Variants in PIGG observed in about 807,000 individuals in gnomAD.
PIGG encodes GPI ethanolamine phosphate transferase 2, catalytic subunit.
PIGG carries 70 observed loss-of-function variants against 83.2 expected under a neutral mutation model. That is an observed-to-expected ratio of 0.84 (90% CI 0.69 to 1.03). The LOEUF (loss-of-function observed/expected upper bound fraction) is 1.03, where lower values mean the gene tolerates loss of function less well. Among genes scored for constraint, PIGG ranks in the 50% least tolerant of loss-of-function variants. The pLI is 0.00. For missense variants in PIGG, 1,257 were observed against 1,233.6 expected (o/e 1.02, Z -0.28); for synonymous variants, 532 against 519.5 (o/e 1.02, Z -0.33).
rs77489555 is a variant in PIGG at position 523,353 on chromosome 4, T to C, written c.1615-106T>C. 5,799 of 818,298 alleles carry C rather than the reference T, an allele frequency of 7.1e-3. 204 individuals are homozygous for C. The African/African-American group carries it at 0.085, about 12-fold the overall frequency. 50.7% of individuals were successfully genotyped at this position (818,298 alleles called of 1,614,324 possible). On this transcript the variant is annotated intron_variant, in intron 8 of 12. Transcript: ENST00000453061. ...CCCAGGTGCTGGGTGTGAGGAACAA[T>C]GGTGTGTGTCCAGGGCATTCTCTGC...
intron 2 of PIGG, among the ~76,000 whole-genome samples, chr4:502,493 G>A (rs1176950503): frequency 5.3e-5 from 8 of 152,178 alleles, no homozygotes; most frequent in South Asian, 2.1e-4. Flanking sequence ...GTAACCAGAC[G>A]CCAACCCTGA....
intron 6 of PIGG, among the ~76,000 whole-genome samples, chr4:518,730 G>A (rs1301591769): frequency 6.6e-6 from 1 of 151,310 alleles, no homozygotes; most frequent in Non-Finnish European, 1.5e-5. Flanking sequence ...AAGGAATGCA[G>A]GAGCCTCCCT....
At chr4:538,143 G>A (rs113853138) in intron 12 of PIGG, among the ~76,000 whole-genome samples, 4 of 151,212 alleles carry the variant, frequency 2.6e-5, no homozygotes, top group African/African-American at 4.9e-5. Context: ...CACACGTGCC[G>A]ACAGGACTGA....
rs1721131939 is a variant in PIGG, at chr4:509,496, G to A, written c.901+526G>A. Reference sequence around the variant, plus strand: ...CTCTGCCCTCGCGGCCGCCGGCCTTGCTGTCCTGTCGGCGGCTGCCTTCCA... The same window carrying A: ...CTCTGCCCTCGCGGCCGCCGGCCTTACTGTCCTGTCGGCGGCTGCCTTCCA... On this transcript the variant is annotated intron_variant, in intron 5 of 12. Coordinates refer to ENST00000453061, the MANE Select transcript of PIGG (RefSeq NM_001127178.3). 2.0e-5 allele frequency among the ~76,000 whole-genome samples: 3 copies of A among 152,200 alleles called. No homozygotes were observed. In the South Asian group the frequency reaches 6.2e-4, roughly 31 times the overall value.
At chr4:519,625 C>T (rs4499656) in intron 6 of PIGG, among the ~76,000 whole-genome samples, 26,920 of 152,130 alleles carry the variant, frequency 0.18, 3,076 homozygotes, top group African/African-American at 0.33. Flanking sequence ...GGAGGTGAAA[C>T]GAGCGAGCCG....
chr4:519,663 G>C (rs922704182), intron 6 of PIGG, among the ~76,000 whole-genome samples: 1 of 152,254 alleles, frequency 6.6e-6, no homozygotes, highest in African/African-American at 2.4e-5. Context: ...CTGGCACTTA[G>C]TGCAGAGCAC....
intron 10 of PIGG, among the ~76,000 whole-genome samples, chr4:529,319 C>T (rs964689812): frequency 1.3e-5 from 2 of 152,098 alleles, no homozygotes; most frequent in African/African-American, 4.8e-5. Flanking sequence ...TAACTTAGCA[C>T]ACACCTTGGC....
chr4:539,972 C>T lies in PIGG; in HGVS notation c.*603C>T, dbSNP rs1731641140. Reference sequence around the variant, plus strand: ...TTGAGCCCAGGTGTTTGAGATCAGCCTGGGAAACATAGTGAGACCCTCATC... The same window carrying T: ...TTGAGCCCAGGTGTTTGAGATCAGCTTGGGAAACATAGTGAGACCCTCATC... On this transcript the variant is annotated 3_prime_UTR_variant, in exon 13 of 13. Coordinates refer to ENST00000453061, the MANE Select transcript of PIGG (RefSeq NM_001127178.3). The T allele has an allele frequency of 6.6e-6, 1 of 152,108 alleles. No individual in the cohort carries two copies. The highest frequency in any genetic ancestry group is 2.1e-4 in the South Asian group (1 of 4,822). 9.4% of individuals were successfully genotyped at this position (152,108 alleles called of 1,614,324 possible).
chr4:519,350 T>TA (rs1725019173), intron 6 of PIGG, among the ~76,000 whole-genome samples: 1 of 152,166 alleles, frequency 6.6e-6, no homozygotes, highest in Non-Finnish European at 1.5e-5. Context: ...GCTCCATGGA[T>TA]ATTTGTTTCG....
intron 6 of PIGG, among the ~76,000 whole-genome samples, chr4:518,790 G>A (rs1022122966): frequency 3.9e-5 from 6 of 152,060 alleles, no homozygotes; most frequent in Non-Finnish European, 7.4e-5. Flanking sequence ...GCGGCCCATT[G>A]TCTACACCGT....
At chr4:501,281 G>A in intron 2 of PIGG, 1 of 385,542 alleles carries the variant, frequency 2.6e-6, no homozygotes, top group South Asian at 2.0e-5. Flanking sequence ...GTAGCTTTTA[G>A]TCTTTAGATA....
intron 4 of PIGG, among the ~76,000 whole-genome samples, chr4:508,310 T>C (rs1419200429): frequency 1.3e-5 from 2 of 152,168 alleles, no homozygotes; most frequent in Non-Finnish European, 2.9e-5. Context: ...GCACGAGTGT[T>C]CCAGGAGGAC....
At chr4:526,959 G>C in intron 9 of PIGG, 80 bp from the exon 10 acceptor site, 1 of 1,488,396 alleles carries the variant, frequency 6.7e-7, no homozygotes, top group South Asian at 1.2e-5. Flanking sequence ...TTTTAATACC[G>C]TTCTTTGAAA....
At chr4:536,976 C>G (rs1410601792) in intron 12 of PIGG, 1 of 152,206 alleles carries the variant, frequency 6.6e-6, no homozygotes, top group African/African-American at 2.4e-5. Flanking sequence ...CTTTTCATCT[C>G]TTACACAGCC....
intron 2 of PIGG, chr4:501,139 GC>G: frequency 2.2e-6 from 1 of 456,242 alleles, no homozygotes; most frequent in South Asian, 1.5e-5. Flanking sequence ...AGTACATAGT[GC>G]ATTTCCCAAG....
At chr4:535,342 G>A (rs367677953) in intron 12 of PIGG, among the ~76,000 whole-genome samples, 51 of 144,830 alleles carry the variant, frequency 3.5e-4, no homozygotes, top group African/African-American at 1.1e-3. Flanking sequence ...AGAGTGCCCC[G>A]TGCTCCACGC....
Position 521,714 on chromosome 4 carries a change from C to T in PIGG, c.1387C>T (p.Leu463=). ...VPQALRRKAE[L]EVPLSSPGFS... is the part of the protein sequence containing the mutation. ...ACAGGCACTGCGCAGAAAGGCTGAG[C>T]TGGAAGTCCCACTGTCATCTCCTGG... The change falls in exon 8 of 13, where the codon CTG becomes TTG. Residue 463 remains leucine (L), a synonymous_variant. Transcript: ENST00000453061. 1 of 1,614,136 alleles carries T rather than the reference C, an allele frequency of 6.2e-7. No individual in the cohort carries two copies. Among genetic ancestry groups the T allele is most frequent in the Middle Eastern group, 1.6e-4 (1 of 6,062 alleles).
In PIGG at chr4:507,929, ACT is replaced by A. The variant is rs377042109; in HGVS notation, c.759+341_759+342del. Reference sequence around the variant, plus strand: ...TCTGTGTCACTTTCTGTTCTGTGTCACTCTCTGTTCTGTGTCACTCTCTCTTC... The same window carrying A: ...TCTGTGTCACTTTCTGTTCTGTGTCACTCTGTTCTGTGTCACTCTCTCTTC... On this transcript the variant is annotated intron_variant, in intron 4 of 12. Transcript: ENST00000453061. Among the ~76,000 whole-genome samples, 623 of 145,900 alleles carry A rather than the reference ACT, an allele frequency of 4.3e-3. 6 individuals are homozygous for A. The highest frequency in any genetic ancestry group is 0.024 in the South Asian group (111 of 4,540).
chr4:506,476 G>T (rs1553879359), intron 3 of PIGG, among the ~76,000 whole-genome samples: 1 of 152,206 alleles, frequency 6.6e-6, no homozygotes, highest in African/African-American at 2.4e-5. Flanking sequence ...CAGCACACCT[G>T]CCTGGCCTGG....
Sources: allele counts gnomAD v4.1 joint callset (sites outside exome capture counted in the v4.1 genomes callset), GRCh38; gene constraint gnomAD v4.1.1; transcripts MANE v1.5; gene names NCBI Gene and HGNC (gene_info 2026-07-23, HGNC 2026-07-21).